Variants in ASAP2 observed in about 807,000 individuals in gnomAD.
ASAP2 encodes the protein arf-GAP with SH3 domain, ANK repeat and PH domain-containing protein 2.
A neutral mutation model predicts 131.4 loss-of-function variants in ASAP2; 45 were observed. The observed-to-expected ratio is 0.34, with a 90% CI of 0.27 to 0.44. ASAP2 has a LOEUF of 0.44. ASAP2 is among the 20% of genes least tolerant of loss of function. The pLI, the probability that ASAP2 is intolerant of heterozygous loss-of-function variation, is 1.00. For missense variants in ASAP2, 1,011 were observed against 1,297.0 expected, an observed-to-expected ratio of 0.78 and a Z score of 3.39; for synonymous variants, 510 against 503.0, an observed-to-expected ratio of 1.01 and a Z score of -0.19.
chr2:9,260,779 C>G (rs1034337525), intron 1 of ASAP2, among the ~76,000 whole-genome samples: 4 of 152,090 alleles, frequency 2.6e-5, no homozygotes, highest in Admixed American at 1.3e-4. Flanking sequence ...AAATGAAAGA[C>G]TAAAGATAGC....
chr2:9,287,446 C>A (rs1667537107), intron 2 of ASAP2, among the ~76,000 whole-genome samples: 1 of 152,210 alleles, frequency 6.6e-6, no homozygotes, highest in Non-Finnish European at 1.5e-5. Context: ...GATGGAGAAA[C>A]CTCCTTGTAG....
At position 9,374,842 on chromosome 2, in the gene ASAP2, C is replaced by T. The variant is rs1674266981; in HGVS notation, c.1644C>T (p.His548=). The T allele has an allele frequency of 6.2e-7, 1 of 1,613,996 alleles. No individual in the cohort carries two copies. The highest frequency in any genetic ancestry group is 1.1e-5 in the South Asian group (1 of 91,088). ...KKHADNAAKL[H]SLCEAVKTRD... is the part of the protein sequence containing the mutation. ...ACGCGGATAACGCGGCGAAGCTTCA[C>T]AGTCTTTGCGAGGCCGTCAAAACGA... is the stretch of plus-strand genomic sequence containing the variant. The change falls in exon 17 of 28, where the codon CAC becomes CAT. Residue 548 remains histidine (H), a synonymous_variant. Transcript: ENST00000281419.
At chr2:9,286,003 C>T (rs1354226249) in intron 2 of ASAP2, among the ~76,000 whole-genome samples, 1 of 152,182 alleles carries the variant, frequency 6.6e-6, no homozygotes, top group Non-Finnish European at 1.5e-5. Flanking sequence ...ACTTCAAATT[C>T]ATACAGAAAA....
intron 1 of ASAP2, among the ~76,000 whole-genome samples, chr2:9,260,041 C>A (rs533845041): frequency 2.0e-5 from 2 of 100,334 alleles, no homozygotes; most frequent in East Asian, 4.0e-4. Flanking sequence ...GCTGGCCTCT[C>A]CCCGAGTCAG....
chr2:9,367,511 A>G (rs763972822), intron 15 of ASAP2, among the ~76,000 whole-genome samples: 2 of 152,154 alleles, frequency 1.3e-5, no homozygotes, highest in African/African-American at 4.8e-5. Context: ...CTGTAATCCC[A>G]GCACTTTGGG....
chr2:9,338,669 C>G (rs1671382566), intron 9 of ASAP2, among the ~76,000 whole-genome samples: 1 of 152,178 alleles, frequency 6.6e-6, no homozygotes, highest in Non-Finnish European at 1.5e-5. Flanking sequence ...CAGCACTCCA[C>G]AAACACAACA....
At chr2:9,211,744 C>T (rs1027068106) in intron 1 of ASAP2, among the ~76,000 whole-genome samples, 2 of 152,172 alleles carry the variant, frequency 1.3e-5, no homozygotes, top group African/African-American at 4.8e-5. Flanking sequence ...GGACCAGACC[C>T]CTCCTAGCAG....
intron 1 of ASAP2, among the ~76,000 whole-genome samples, chr2:9,264,425 G>A (rs962872364): frequency 2.6e-5 from 4 of 152,074 alleles, no homozygotes; most frequent in Non-Finnish European, 5.9e-5. Flanking sequence ...GTGTGTCCGG[G>A]CCTCTGCTGT....
intron 27 of ASAP2, among the ~76,000 whole-genome samples, chr2:9,402,550 A>G (rs1676825187): frequency 6.6e-6 from 1 of 152,118 alleles, no homozygotes; most frequent in African/African-American, 2.4e-5. Context: ...CCCACAACCC[A>G]CCATCCGGAA....
intron 1 of ASAP2, among the ~76,000 whole-genome samples, chr2:9,259,744 T>G (rs1665445188): frequency 6.6e-6 from 1 of 152,160 alleles, no homozygotes; most frequent in Admixed American, 6.5e-5. Context: ...TGTGTGTGTT[T>G]TAGCGCAGAG....
chr2:9,313,739 G>C (rs1234597077), intron 3 of ASAP2, among the ~76,000 whole-genome samples: 2 of 152,136 alleles, frequency 1.3e-5, no homozygotes, highest in African/African-American at 4.8e-5. Context: ...TGGGCAGTGA[G>C]CATCTCAGGG....
intron 1 of ASAP2, among the ~76,000 whole-genome samples, chr2:9,235,092 C>T (rs1663449994): frequency 2.0e-5 from 3 of 152,252 alleles, no homozygotes; most frequent in South Asian, 4.2e-4. Flanking sequence ...CCGTGTTTCA[C>T]TGTCCCCGCC....
At chr2:9,363,564 C>T (rs1008935866) in intron 15 of ASAP2, among the ~76,000 whole-genome samples, 4 of 151,970 alleles carry the variant, frequency 2.6e-5, no homozygotes, top group African/African-American at 9.7e-5. Flanking sequence ...CATACATATA[C>T]CTGTTGGTCA....
At chr2:9,315,824 A>G (rs756126919) in intron 3 of ASAP2, among the ~76,000 whole-genome samples, 14 of 152,310 alleles carry the variant, frequency 9.2e-5, no homozygotes, top group Middle Eastern at 6.8e-3. Flanking sequence ...TTAGCAAGAC[A>G]TAGCTGATGA....
chr2:9,252,125 G>A (rs1215865602), intron 1 of ASAP2, among the ~76,000 whole-genome samples: 1 of 152,202 alleles, frequency 6.6e-6, no homozygotes, highest in African/African-American at 2.4e-5. Flanking sequence ...CACACTGTGA[G>A]GTGCCTTGGA....
At chr2:9,383,907 G>A (rs1267384645) in intron 20 of ASAP2, among the ~76,000 whole-genome samples, 1 of 152,124 alleles carries the variant, frequency 6.6e-6, no homozygotes, top group African/African-American at 2.4e-5. Context: ...GCAAATTATT[G>A]CAAGGACAGA....
intron 20 of ASAP2, among the ~76,000 whole-genome samples, chr2:9,382,937 G>A (rs1674980138): frequency 6.6e-6 from 1 of 152,194 alleles, no homozygotes; most frequent in Non-Finnish European, 1.5e-5. Flanking sequence ...AGCGGTGGGA[G>A]GACAGGAATT....
rs778938210 is a variant in ASAP2, at chr2:9,207,197, G to A, written c.93G>A (p.Ala31=). The change falls in exon 1 of 28, where the codon GCG becomes GCA. Residue 31 remains alanine, a synonymous_variant. Transcript: ENST00000281419. This position sits in a 1 kb window ranked among gnomAD's most constrained non-coding sequence, Gnocchi z 4.1. ...PTASSFTTRT[A]QCRNTVAAIE... ...CCTCCAGCTTCACCACCCGCACGGC[G>A]CAGTGCCGGAACACTGTGGCGGCCA... 7 of 1,601,294 alleles carry A rather than the reference G, an allele frequency of 4.4e-6. No individual in the cohort carries two copies. Among genetic ancestry groups the A allele is most frequent in the Non-Finnish European group, 6.0e-6 (7 of 1,174,974 alleles).
chr2:9,276,773 C>G (rs1172075950), intron 1 of ASAP2, among the ~76,000 whole-genome samples: 1 of 152,164 alleles, frequency 6.6e-6, no homozygotes, highest in East Asian at 1.9e-4. Context: ...CTCCTGACCT[C>G]AAGTGATCCT....
Sources: gnomAD v4.1 joint callset for allele counts (sites outside exome capture counted in the v4.1 genomes callset) on GRCh38, gnomAD v4.1.1 for gene constraint, Gnocchi (gnomAD v3.1) non-coding constraint, MANE v1.5 for transcripts, NCBI Gene and HGNC (gene_info 2026-07-23, HGNC 2026-07-21) for gene names.